The following SMARCAL1 variants were observed in gnomAD, a reference collection of about 807,000 sequenced individuals.
The protein encoded by SMARCAL1 is SNF2 related chromatin remodeling annealing helicase 1, also known as ATP-driven annealing helicase.
In SMARCAL1, 58 loss-of-function variants were observed where a neutral mutation model predicts 94.5. The observed-to-expected ratio is 0.61, with a 90% CI of 0.50 to 0.76. SMARCAL1 has a LOEUF of 0.76. Among genes scored for constraint, SMARCAL1 ranks in the 30% least tolerant of loss-of-function variants. The pLI is 0.00. For missense variants in SMARCAL1, 1,051 were observed against 1,177.9 expected, an observed-to-expected ratio of 0.89 and a Z score of 1.58; for synonymous variants, 422 against 455.1, an observed-to-expected ratio of 0.93 and a Z score of 0.93.
chr2:216,421,932 T>C (rs1693730731), intron 5 of SMARCAL1, among the ~76,000 whole-genome samples: 1 of 152,098 alleles, frequency 6.6e-6, no homozygotes, highest in African/African-American at 2.4e-5. Context: ...CATCCTTAGA[T>C]GGATGCAGTT....
chr2:216,434,905 C>T (rs1694047223), intron 8 of SMARCAL1, among the ~76,000 whole-genome samples: 1 of 145,272 alleles, frequency 6.9e-6, no homozygotes, highest in Non-Finnish European at 1.5e-5. Context: ...GTTGCCCAGG[C>T]CGGAGTGCAA....
At chr2:216,439,328 G>T (rs866812272) in intron 10 of SMARCAL1, among the ~76,000 whole-genome samples, 18 of 124,360 alleles carry the variant, frequency 1.4e-4, no homozygotes, top group Admixed American at 5.1e-4. Context: ...CCATTATGGG[G>T]GGGGGGGATG....
At chr2:216,433,286 G>A (rs1054369186) in intron 8 of SMARCAL1, among the ~76,000 whole-genome samples, 1 of 151,990 alleles carries the variant, frequency 6.6e-6, no homozygotes, top group African/African-American at 2.4e-5. Flanking sequence ...GTTTTGCCAT[G>A]TTGCCCAGGC....
At chr2:216,440,834 C>T (rs1160229805) in intron 10 of SMARCAL1, among the ~76,000 whole-genome samples, 1 of 152,104 alleles carries the variant, frequency 6.6e-6, no homozygotes, top group Non-Finnish European at 1.5e-5. Flanking sequence ...CATCCGTGGC[C>T]TCTACCCACT....
chr2:216,451,204 A>G (rs1694443662), intron 12 of SMARCAL1, 140 bp downstream of exon 12: 1 of 745,720 alleles, frequency 1.3e-6, no homozygotes, highest in Non-Finnish European at 2.4e-6. Flanking sequence ...AAGAACAGCA[A>G]GTCCATTTCA....
At chr2:216,478,172 G>A (rs766306061) in intron 16 of SMARCAL1, 31 bp from the exon 17 acceptor site, 9 of 1,538,918 alleles carry the variant, frequency 5.8e-6, no homozygotes, top group East Asian at 4.5e-5. Flanking sequence ...TGTGCAGGTT[G>A]TATTCACTGC....
At chr2:216,465,577 A>T (rs1276119554) in intron 13 of SMARCAL1, among the ~76,000 whole-genome samples, 1 of 152,244 alleles carries the variant, frequency 6.6e-6, no homozygotes, top group African/African-American at 2.4e-5. Flanking sequence ...CTATTCTTAC[A>T]ATTATTCATG....
At chr2:216,416,562 T>A (rs1693607953) in intron 4 of SMARCAL1, among the ~76,000 whole-genome samples, 1 of 152,220 alleles carries the variant, frequency 6.6e-6, no homozygotes, top group African/African-American at 2.4e-5. Context: ...CCCCTTATGC[T>A]AACTTTTATT....
chr2:216,420,553 T>C (rs1257787175), intron 5 of SMARCAL1, 21 bp downstream of exon 5: 15 of 1,577,648 alleles, frequency 9.5e-6, no homozygotes, highest in Non-Finnish European at 1.3e-5. Flanking sequence ...GGTCTTTGTC[T>C]GATTCCCAGA....
intron 12 of SMARCAL1, among the ~76,000 whole-genome samples, chr2:216,454,499 A>G (rs76659165): frequency 6.6e-6 from 1 of 152,298 alleles, no homozygotes; most frequent in Non-Finnish European, 1.5e-5. Context: ...TTCTGGTTCT[A>G]CCGTTTAGTA....
At chr2:216,442,766 CTT>C (rs1367524651) in intron 10 of SMARCAL1, among the ~76,000 whole-genome samples, 1 of 152,208 alleles carries the variant, frequency 6.6e-6, no homozygotes, top group Non-Finnish European at 1.5e-5. Context: ...TATCTGTTCT[CTT>C]TTGATGGATT....
At chr2:216,416,028 A>G (rs927766812) in intron 3 of SMARCAL1, 30 of 500,068 alleles carry the variant, frequency 6.0e-5, no homozygotes, top group South Asian at 5.7e-4. Flanking sequence ...CAGTCCTCTT[A>G]GGTGAAGTTC....
chr2:216,435,237 A>G, intron 8 of SMARCAL1, 101 bp from the exon 9 acceptor site: 1 of 1,229,512 alleles, frequency 8.1e-7, no homozygotes, highest in Non-Finnish European at 1.2e-6. Flanking sequence ...AGAGGAAGGT[A>G]GAGGTGATGG....
intron 4 of SMARCAL1, 130 bp from the exon 5 acceptor site, chr2:216,420,169 C>T: frequency 1.3e-6 from 1 of 744,948 alleles, no homozygotes; most frequent in Non-Finnish European, 2.3e-6. Context: ...CTTTTCTTGC[C>T]TTCCTGCCAA....
At chr2:216,421,851 AT>A (rs1693728124) in intron 5 of SMARCAL1, among the ~76,000 whole-genome samples, 1 of 152,230 alleles carries the variant, frequency 6.6e-6, no homozygotes, top group Non-Finnish European at 1.5e-5. Flanking sequence ...AGCCTCTAGA[AT>A]TGCTTGCTTA....
chr2:216,459,682 A>G (rs1441545366), intron 12 of SMARCAL1, among the ~76,000 whole-genome samples: 1 of 152,096 alleles, frequency 6.6e-6, no homozygotes, highest in East Asian at 1.9e-4. Flanking sequence ...ACAAAAATTA[A>G]TTCAAGATGG....
chr2:216,480,524 A>C (rs988349290), intron 17 of SMARCAL1, among the ~76,000 whole-genome samples: 1 of 152,128 alleles, frequency 6.6e-6, no homozygotes, highest in African/African-American at 2.4e-5. Flanking sequence ...AAAGAGGCTG[A>C]TGAGGGCATC....
At chr2:216,477,497 T>C (rs983500529) in intron 16 of SMARCAL1, among the ~76,000 whole-genome samples, 4 of 152,092 alleles carry the variant, frequency 2.6e-5, no homozygotes, top group Non-Finnish European at 5.9e-5. Context: ...TATGACAAAA[T>C]ATAGATGGAA....
chr2:216,463,998 C>T (rs13388532), intron 12 of SMARCAL1, among the ~76,000 whole-genome samples: 34,805 of 152,046 alleles, frequency 0.23, 4,467 homozygotes, highest in East Asian at 0.36. Context: ...GCCGAGATCG[C>T]GCCACTGCAC....
Sources: gnomAD v4.1 joint callset for allele counts (sites outside exome capture counted in the v4.1 genomes callset) on GRCh38, gnomAD v4.1.1 for gene constraint, MANE v1.5 for transcripts, NCBI Gene and HGNC (gene_info 2026-07-23, HGNC 2026-07-21) for gene names.